The following KAZN variants were observed in gnomAD, a reference collection of about 807,000 sequenced individuals.
The protein encoded by KAZN is kazrin, periplakin interacting protein, also known as kazrin.
A neutral mutation model predicts 87.4 loss-of-function variants in KAZN; 40 were observed. The observed-to-expected ratio is 0.46, with a 90% CI of 0.36 to 0.60. KAZN has a LOEUF of 0.60. KAZN is among the 20% of genes least tolerant of loss of function. KAZN has a pLI of 0.00. For synonymous variants in KAZN, 466 were observed against 458.3 expected (o/e 1.02, Z -0.22); for missense variants, 898 against 1,073.9 (o/e 0.84, Z 2.29).
intron 1 of KAZN, among the ~76,000 whole-genome samples, chr1:13,926,723 C>T (rs1267248827): frequency 6.6e-6 from 1 of 151,496 alleles, no homozygotes; most frequent in Non-Finnish European, 1.5e-5. Flanking sequence ...TTTTCCCAAG[C>T]ACAAATCAGT....
intron 1 of KAZN, among the ~76,000 whole-genome samples, chr1:14,749,735 A>G (rs1212859382): frequency 1.3e-5 from 2 of 152,148 alleles, no homozygotes; most frequent in African/African-American, 4.8e-5. Flanking sequence ...GAAAGCTAAC[A>G]GACTTGCCCA....
At chr1:14,455,186 C>T (rs1384683687) in intron 2 of KAZN, among the ~76,000 whole-genome samples, 1 of 152,228 alleles carries the variant, frequency 6.6e-6, no homozygotes, top group African/African-American at 2.4e-5. Context: ...TTCATACTTA[C>T]ACAAATTCCA....
chr1:14,327,789 G>T (rs1571312531), intron 2 of KAZN, among the ~76,000 whole-genome samples: 1 of 152,092 alleles, frequency 6.6e-6, no homozygotes, highest in African/African-American at 2.4e-5. Flanking sequence ...CACTAATCAC[G>T]CATTCTCCAT....
intron 1 of KAZN, among the ~76,000 whole-genome samples, chr1:14,159,297 G>C (rs1164661735): frequency 6.6e-6 from 1 of 152,172 alleles, no homozygotes; most frequent in Non-Finnish European, 1.5e-5. Flanking sequence ...TTGTACTGTA[G>C]CTGATCTGGC....
chr1:14,592,480 C>T (rs1676261342), intron 2 of KAZN, among the ~76,000 whole-genome samples: 1 of 152,228 alleles, frequency 6.6e-6, no homozygotes, highest in Non-Finnish European at 1.5e-5. Context: ...TATCGAGACA[C>T]TGGGCACCAC....
At chr1:13,975,681 C>G (rs1445720478) in intron 1 of KAZN, among the ~76,000 whole-genome samples, 4 of 152,154 alleles carry the variant, frequency 2.6e-5, no homozygotes, top group Non-Finnish European at 5.9e-5. Context: ...ACTTAACACA[C>G]CGGCAGGTAG....
At chr1:14,712,741 TG>T (rs998867357) in intron 1 of KAZN, among the ~76,000 whole-genome samples, 63 of 152,226 alleles carry the variant, frequency 4.1e-4, no homozygotes, top group African/African-American at 9.1e-4. Context: ...AGTCAAAAGT[TG>T]GGGGCAGAAA....
chr1:14,342,810 T>C (rs908728219), intron 2 of KAZN, among the ~76,000 whole-genome samples: 3 of 152,190 alleles, frequency 2.0e-5, no homozygotes, highest in African/African-American at 7.2e-5. Flanking sequence ...CTTGTCCTTA[T>C]CGGATGAGGT....
At chr1:14,547,188 A>T (rs1449115221) in intron 2 of KAZN, among the ~76,000 whole-genome samples, 1 of 151,588 alleles carries the variant, frequency 6.6e-6, no homozygotes, top group African/African-American at 2.4e-5. Flanking sequence ...ATAGAATGAC[A>T]TTTTTTTTTC....
intron 1 of KAZN, among the ~76,000 whole-genome samples, chr1:14,930,270 C>G (rs1659660193): frequency 6.6e-6 from 1 of 152,178 alleles, no homozygotes; most frequent in South Asian, 2.1e-4. Context: ...GGCTCAGGCT[C>G]CCAGCTAGTT....
chr1:14,945,798 C>T lies in KAZN; in HGVS notation c.227-14886C>T, dbSNP rs1401659961. On this transcript the variant is annotated intron_variant, in intron 1 of 14. Transcript: ENST00000376030. ...CCCGCAGCACTTTCAAGCTCCACGG[C>T]CTCGAGAGCCTCCCACCAAAGGGCA... is the stretch of plus-strand genomic sequence containing the variant. 1.7e-5 allele frequency: 14 copies of T among 841,232 alleles called. No homozygotes were observed. The Admixed American group carries it at 8.1e-4, about 49-fold the overall frequency. The allele number at this position is 841,232 out of a possible 1,614,324, so 52.1% of individuals were successfully genotyped here.
intron 2 of KAZN, among the ~76,000 whole-genome samples, chr1:14,364,102 TTTTC>T (rs1659759509): frequency 6.6e-6 from 1 of 152,178 alleles, no homozygotes; most frequent in Non-Finnish European, 1.5e-5. Flanking sequence ...GTTAAGGCCC[TTTTC>T]ATTAGAGATG....
At position 14,091,713 on chromosome 1, in the gene KAZN, G is replaced by A. The variant is rs191465061; in HGVS notation, c.92-88722G>A. ...GGCCTATGGGTTTGTTAAATCTATGGACCCCCTCCTAGGAAAAATGCACAT... is the reference window on the plus strand; with the variant it reads ...GGCCTATGGGTTTGTTAAATCTATGAACCCCCTCCTAGGAAAAATGCACAT... On this transcript the variant is annotated intron_variant, in intron 1 of 16. Transcript: ENST00000636203. Among the ~76,000 whole-genome samples, 403 of 152,130 alleles carry A rather than the reference G, an allele frequency of 2.6e-3. 2 individuals carry two copies. Among genetic ancestry groups the A allele is most frequent in the African/African-American group, 9.2e-3 (380 of 41,488 alleles).
At position 15,094,498 on chromosome 1, in the gene KAZN, C is replaced by A. The variant is rs1573293232; in HGVS notation, c.1428+113C>A. Reference sequence around the variant, plus strand: ...CCCTGGAGTCAGGAGAAGGTGCAATCTAGGAGCTAGCCAATGCAATCAGCC... The same window carrying A: ...CCCTGGAGTCAGGAGAAGGTGCAATATAGGAGCTAGCCAATGCAATCAGCC... On this transcript the variant is annotated intron_variant, in intron 9 of 14. Transcript: ENST00000376030. The surrounding 1 kb of genome is among the most constrained non-coding windows in gnomAD (Gnocchi z 4.5). 3.1e-6 allele frequency: 3 copies of A among 981,972 alleles called. No homozygotes were observed. The highest frequency in any genetic ancestry group is 3.0e-6 in the Non-Finnish European group (2 of 658,956). 60.8% of individuals were successfully genotyped at this position (981,972 alleles called of 1,614,324 possible).
At chr1:14,376,272 TC>T (rs1660913341) in intron 2 of KAZN, among the ~76,000 whole-genome samples, 1 of 152,152 alleles carries the variant, frequency 6.6e-6, no homozygotes. Context: ...CTTGAATATG[TC>T]CCCCAAAGTT....
intron 1 of KAZN, among the ~76,000 whole-genome samples, chr1:14,672,027 C>A (rs1639948528): frequency 1.3e-5 from 2 of 152,208 alleles, no homozygotes; most frequent in Admixed American, 6.5e-5. Flanking sequence ...AGCTTCTGCA[C>A]AGCCTAGAAA....
chr1:14,347,854 ATAC>A (rs1430081634), intron 2 of KAZN, among the ~76,000 whole-genome samples: 2 of 151,164 alleles, frequency 1.3e-5, no homozygotes, highest in Non-Finnish European at 2.9e-5. Context: ...CAATGGGCAT[ATAC>A]TACTATTTTT....
At chr1:14,116,919 T>G (rs551350203) in intron 1 of KAZN, among the ~76,000 whole-genome samples, 1 of 152,354 alleles carries the variant, frequency 6.6e-6, no homozygotes, top group African/African-American at 2.4e-5. Flanking sequence ...TTGACTGCCC[T>G]GCTGGATTTT....
chr1:15,046,223 G>A (rs1370413191), intron 4 of KAZN, among the ~76,000 whole-genome samples: 7 of 151,270 alleles, frequency 4.6e-5, no homozygotes, highest in African/African-American at 7.3e-5. Flanking sequence ...GTTTGAACCC[G>A]GGAGGCGGAG....
Sources: gnomAD v4.1 joint callset for allele counts (sites outside exome capture counted in the v4.1 genomes callset) on GRCh38, gnomAD v4.1.1 for gene constraint, Gnocchi (gnomAD v3.1) non-coding constraint, MANE v1.5 for transcripts, NCBI Gene and HGNC (gene_info 2026-07-23, HGNC 2026-07-21) for gene names.